BMPR1B: variants seen among roughly 807,000 people sequenced by gnomAD.
The protein encoded by BMPR1B is bone morphogenetic protein receptor type-1B.
Under a neutral mutation model 59.1 loss-of-function variants are expected in BMPR1B, and 12 were observed. The ratio of observed to expected loss-of-function variants is 0.20; its 90% CI spans 0.13 to 0.33. BMPR1B has a LOEUF of 0.33. Ranked by LOEUF, BMPR1B falls within the 10% of genes least tolerant of loss-of-function variation. BMPR1B has a pLI of 1.00. For synonymous variants in BMPR1B, 237 were observed against 207.3 expected (o/e 1.14, Z -1.23); for missense variants, 550 against 610.9 (o/e 0.90, Z 1.05).
At chr4:95,080,357 C>G (rs1363562877) in intron 3 of BMPR1B, among the ~76,000 whole-genome samples, 1 of 152,156 alleles carries the variant, frequency 6.6e-6, no homozygotes, top group Non-Finnish European at 1.5e-5. Flanking sequence ...CTCCCTCAAC[C>G]TCCTGAGTAG....
At chr4:95,100,986 T>C (rs1312934164) in intron 3 of BMPR1B, among the ~76,000 whole-genome samples, 2 of 152,180 alleles carry the variant, frequency 1.3e-5, no homozygotes, top group East Asian at 3.9e-4. Context: ...TTCAAATACC[T>C]ATTTACCCTA....
At chr4:95,138,718 A>G (rs1733991726) in intron 10 of BMPR1B, among the ~76,000 whole-genome samples, 3 of 152,296 alleles carry the variant, frequency 2.0e-5, no homozygotes, top group South Asian at 2.1e-4. Flanking sequence ...AAGCTTGTGC[A>G]TGCATCACGT....
chr4:94,974,637 A>G (rs1730942013), intron 2 of BMPR1B, among the ~76,000 whole-genome samples: 1 of 152,208 alleles, frequency 6.6e-6, no homozygotes, highest in Admixed American at 6.5e-5. Context: ...GGCACAGTTT[A>G]GCACTTAATT....
chr4:94,991,897 A>G (rs1303201934), intron 2 of BMPR1B, among the ~76,000 whole-genome samples: 1 of 152,218 alleles, frequency 6.6e-6, no homozygotes, highest in Non-Finnish European at 1.5e-5. Context: ...GGAAACCAAG[A>G]ATACAAAACT....
intron 2 of BMPR1B, among the ~76,000 whole-genome samples, chr4:94,910,091 TAA>T (rs780906794): frequency 2.6e-5 from 4 of 151,914 alleles, no homozygotes; most frequent in South Asian, 2.1e-4. Context: ...TCTAGATACG[TAA>T]AGTTAGTTTA....
At chr4:94,862,963 AAAAAT>A (rs1340146563) in intron 1 of BMPR1B, among the ~76,000 whole-genome samples, 48 of 131,290 alleles carry the variant, frequency 3.7e-4, no homozygotes, top group African/African-American at 1.5e-3. Flanking sequence ...AAAAAAAAAA[AAAAAT>A]TTAGCTGGGC....
At chr4:94,764,410 G>A (rs1272760395) in intron 1 of BMPR1B, among the ~76,000 whole-genome samples, 1 of 152,160 alleles carries the variant, frequency 6.6e-6, no homozygotes, top group East Asian at 1.9e-4. Context: ...TTTCTTTCCA[G>A]ATTCTGGTAA....
At chr4:94,785,315 G>C (rs1418328287) in intron 1 of BMPR1B, among the ~76,000 whole-genome samples, 2 of 152,162 alleles carry the variant, frequency 1.3e-5, no homozygotes, top group East Asian at 1.9e-4. Context: ...ATTATAATCA[G>C]TGGTGCTCCT....
intron 1 of BMPR1B, among the ~76,000 whole-genome samples, chr4:94,815,067 CT>C (rs1723960171): frequency 6.6e-6 from 1 of 152,040 alleles, no homozygotes; most frequent in Admixed American, 6.6e-5. Context: ...CCACGCCCGG[CT>C]AATTTTTTGT....
chr4:94,815,768 A>T (rs1723987413), intron 1 of BMPR1B, among the ~76,000 whole-genome samples: 1 of 152,200 alleles, frequency 6.6e-6, no homozygotes, highest in South Asian at 2.1e-4. Context: ...TATTATAAGG[A>T]CTAAATAAGA....
intron 1 of BMPR1B, among the ~76,000 whole-genome samples, chr4:94,761,790 A>T (rs908531028): frequency 2.0e-5 from 3 of 152,124 alleles, no homozygotes; most frequent in Non-Finnish European, 4.4e-5. Context: ...TGCCTTAGAG[A>T]TACTATTAAT....
chr4:94,866,424 C>G (rs1277192107), intron 1 of BMPR1B, among the ~76,000 whole-genome samples: 3 of 152,126 alleles, frequency 2.0e-5, no homozygotes, highest in Non-Finnish European at 4.4e-5. Flanking sequence ...TGTCTTCTCT[C>G]TTTCTTCTCT....
chr4:94,879,984 T>C (rs1209944856), intron 2 of BMPR1B, among the ~76,000 whole-genome samples: 1 of 152,244 alleles, frequency 6.6e-6, no homozygotes, highest in East Asian at 1.9e-4. Flanking sequence ...ATTCATCCGG[T>C]ATCTAAGAGA....
In BMPR1B at chr4:95,156,064, T is replaced by C. The variant is rs938140992; in HGVS notation, c.*1391T>C. ...GCTCAATTCACTATTTAATTTATTA[T>C]ATTTTCTCTTCTGTGGCACTTATAC... is the stretch of plus-strand genomic sequence containing the variant. On this transcript the variant is annotated 3_prime_UTR_variant, in exon 13 of 13. Transcript: ENST00000515059. 2.0e-5 allele frequency: 3 copies of C among 152,210 alleles called. No individual in the cohort carries two copies. Among genetic ancestry groups the C allele is most frequent in the Admixed American group, 6.5e-5 (1 of 15,288 alleles). 9.4% of individuals were successfully genotyped at this position (152,210 alleles called of 1,614,324 possible).
intron 2 of BMPR1B, among the ~76,000 whole-genome samples, chr4:94,919,075 C>G (rs1560546984): frequency 6.6e-6 from 1 of 152,080 alleles, no homozygotes; most frequent in Non-Finnish European, 1.5e-5. Flanking sequence ...GATCTTATAA[C>G]GTGATGCATC....
At position 95,025,509 on chromosome 4, in the gene BMPR1B, A is replaced by G. The variant is rs376116219; in HGVS notation, c.-18+29375A>G. Among the ~76,000 whole-genome samples the G allele has an allele frequency of 2.7e-4, 41 of 152,226 alleles. No individual in the cohort carries two copies. The South Asian group carries it at 7.5e-3, about 28-fold the overall frequency. On this transcript the variant is annotated intron_variant, in intron 3 of 12. Coordinates refer to ENST00000515059, the MANE Select transcript of BMPR1B (RefSeq NM_001203.3). ...AGACAAGGGGTTCAATTTGGGATAT[A>G]TTTTGAATATAGTGCTACTAGTTAC... is the stretch of plus-strand genomic sequence containing the variant.
At chr4:94,830,935 A>G (rs909485253) in intron 1 of BMPR1B, among the ~76,000 whole-genome samples, 3 of 152,176 alleles carry the variant, frequency 2.0e-5, no homozygotes, top group East Asian at 1.9e-4. Flanking sequence ...ATAAATGACT[A>G]TGTTACAGGT....
At chr4:94,986,825 A>C (rs1244173713) in intron 2 of BMPR1B, among the ~76,000 whole-genome samples, 1 of 151,910 alleles carries the variant, frequency 6.6e-6, no homozygotes, top group East Asian at 1.9e-4. Context: ...GTGGATCATG[A>C]GGTCAGGGGA....
At chr4:95,086,031 AAAT>A (rs1729548269) in intron 3 of BMPR1B, among the ~76,000 whole-genome samples, 2 of 150,444 alleles carry the variant, frequency 1.3e-5, no homozygotes, top group South Asian at 4.2e-4. Context: ...GGGTTTATAA[AAAT>A]ACAAAATCTT....
Sources: gnomAD v4.1 joint callset for allele counts (sites outside exome capture counted in the v4.1 genomes callset) on GRCh38, gnomAD v4.1.1 for gene constraint, MANE v1.5 for transcripts, NCBI Gene and HGNC (gene_info 2026-07-23, HGNC 2026-07-21) for gene names.